BAZ2B: variants seen among roughly 807,000 people sequenced by gnomAD.
BAZ2B encodes bromodomain adjacent to zinc finger domain 2B.
Under a neutral mutation model 246.0 loss-of-function variants are expected in BAZ2B, and 91 were observed. That is an observed-to-expected ratio of 0.37 (90% CI 0.31 to 0.44). The LOEUF is 0.44. BAZ2B is among the 20% of genes least tolerant of loss of function. The pLI is 1.00. For missense variants in BAZ2B, 2,332 were observed against 2,533.7 expected (o/e 0.92, Z 1.71); for synonymous variants, 855 against 860.0 (o/e 0.99, Z 0.10).
intron 17 of BAZ2B, 90 bp downstream of exon 17, chr2:159,400,509 T>C (rs2064819312): frequency 1.9e-5 from 14 of 754,992 alleles, no homozygotes; most frequent in Non-Finnish European, 3.1e-5. Flanking sequence ...ACAATTTGTG[T>C]GAGAAAACAT....
chr2:159,355,452 T>G (rs1483426035), intron 27 of BAZ2B, among the ~76,000 whole-genome samples: 7 of 152,180 alleles, frequency 4.6e-5, no homozygotes, highest in Non-Finnish European at 7.4e-5. Flanking sequence ...TCCAGAAAAT[T>G]TTAAGATGAT....
chr2:159,348,921 T>C, intron 29 of BAZ2B, 86 bp downstream of exon 29: 2 of 1,553,340 alleles, frequency 1.3e-6, no homozygotes, highest in Non-Finnish European at 1.7e-6. Context: ...TAACTATATA[T>C]AGAACCATCA....
chr2:159,501,155 T>C (rs1465422986), intron 2 of BAZ2B, among the ~76,000 whole-genome samples: 1 of 33,600 alleles, frequency 3.0e-5, no homozygotes, highest in Non-Finnish European at 7.7e-5. Flanking sequence ...ATATAATATA[T>C]ATAAATATAT....
chr2:159,707,574 T>C, the BAZ2B span, among the ~76,000 whole-genome samples: 2 of 152,054 alleles, frequency 1.3e-5, no homozygotes, highest in East Asian at 3.8e-4. Flanking sequence ...ACACCTGTAA[T>C]CCCAGCACTT....
intron 1 of BAZ2B, among the ~76,000 whole-genome samples, chr2:159,593,850 T>C (rs1309646730): frequency 1.3e-5 from 2 of 152,200 alleles, no homozygotes; most frequent in African/African-American, 2.4e-5. Flanking sequence ...AATATAAAAT[T>C]TGCCATTTTT....
At chr2:159,428,143 A>G in intron 12 of BAZ2B, 101 bp from the exon 13 acceptor site, 2 of 1,189,580 alleles carry the variant, frequency 1.7e-6, no homozygotes, top group Non-Finnish European at 2.4e-6. Flanking sequence ...ATATTCTATC[A>G]AGGGGCTCTA....
rs369207770 is a variant in BAZ2B at position 159,400,750 on chromosome 2, A to G, written c.2833-86T>C. ...TGAGTGGAATCAAATAATTAAAAATATAAGTACAGGTCAGGCGCAGTGGCT... is the reference window on the plus strand; with the variant it reads ...TGAGTGGAATCAAATAATTAAAAATGTAAGTACAGGTCAGGCGCAGTGGCT... On this transcript the variant is annotated intron_variant, in intron 16 of 36. Transcript: ENST00000392783. 1.9e-3 allele frequency: 1,588 copies of G among 851,566 alleles called. 14 individuals carry two copies. Among genetic ancestry groups the G allele is most frequent in the South Asian group, 4.0e-3 (261 of 65,548 alleles). 52.8% of individuals were successfully genotyped at this position (851,566 alleles called of 1,614,324 possible). A position where few individuals can be genotyped will look rare whatever the true frequency, so the allele number is the denominator to read the frequency against.
chr2:159,442,217 G>C (rs2073540616), intron 6 of BAZ2B, among the ~76,000 whole-genome samples: 1 of 152,302 alleles, frequency 6.6e-6, no homozygotes, highest in South Asian at 2.1e-4. Flanking sequence ...GAGAGCAAGA[G>C]CCAATCACCC....
Position 159,349,182 on chromosome 2 carries a change from T to G in BAZ2B, c.4962A>C (p.Leu1654=), listed in dbSNP as rs758493079. The change falls in exon 29 of 37, where the codon CTA becomes CTC. Residue 1654 remains leucine (L), a synonymous_variant. Transcript: ENST00000392783. ...NIPFTSSVPS[L]GSGLGLSEGN... ...CTTCTGATAACCCTAACCCCGATCC[T>G]AGACTAGGTACAGATGATGTAAATG... The G allele has an allele frequency of 1.2e-6, 2 of 1,614,088 alleles. No homozygotes were observed. The highest frequency in any genetic ancestry group is 2.2e-5 in the South Asian group (2 of 91,080).
intron 27 of BAZ2B, among the ~76,000 whole-genome samples, chr2:159,362,443 G>A (rs913249676): frequency 2.2e-4 from 33 of 152,122 alleles, no homozygotes; most frequent in African/African-American, 5.1e-4. Flanking sequence ...ACAGTGTTTC[G>A]TCTCTTGGAG....
chr2:159,321,081 G>A lies in BAZ2B; in HGVS notation c.6354-663C>T, dbSNP rs2062660293. On this transcript the variant is annotated intron_variant, in intron 36 of 36. Transcript: ENST00000392783. ...GCACTGTGGCTTCTGTGCTTTTCTGGCGGGATAAGCCCAATTCTCTTTCTC... is the reference window on the plus strand; with the variant it reads ...GCACTGTGGCTTCTGTGCTTTTCTGACGGGATAAGCCCAATTCTCTTTCTC... 2.0e-5 allele frequency among the ~76,000 whole-genome samples: 3 copies of A among 152,134 alleles called. No homozygotes were observed. The South Asian group carries it at 6.2e-4, about 32-fold the overall frequency.
chr2:159,586,680 G>A (rs1688081863), intron 1 of BAZ2B, among the ~76,000 whole-genome samples: 1 of 151,954 alleles, frequency 6.6e-6, no homozygotes, highest in South Asian at 2.1e-4. Flanking sequence ...AACAACCTGA[G>A]CAACAAAATG....
rs2063623996 is a variant in BAZ2B, at chr2:159,325,728, T to G, written c.6134A>C (p.Asn2045Thr). The G allele has an allele frequency of 6.3e-7, 1 of 1,598,722 alleles. No individual in the cohort carries two copies. Among genetic ancestry groups the G allele is most frequent in the African/African-American group, 1.4e-5 (1 of 73,712 alleles). Residue 2045 changes from asparagine to threonine, a missense_variant, in exon 35 of 37, where the codon AAC (asparagine) becomes ACC (threonine). This residue lies in a region of BAZ2B where 210 missense variants were observed against 232.5 expected (regional missense o/e 0.90). Coordinates refer to ENST00000392783, the MANE Select transcript of BAZ2B (RefSeq NM_013450.4). Reference protein sequence around the residue: ...KRKMEENTSINLSKQESFTSV... With the variant: ...KRKMEENTSITLSKQESFTSV... ...AGTAAAACTTTCTTGTTTTGACAAG[T>G]TAATAGAAGTGTTTTCCTCCATTTT...
intron 1 of BAZ2B, among the ~76,000 whole-genome samples, chr2:159,587,266 G>A (rs1688253686): frequency 6.6e-6 from 1 of 152,014 alleles, no homozygotes; most frequent in South Asian, 2.1e-4. Flanking sequence ...ATTTTTAGTA[G>A]AGATGGGGTT....
At chr2:159,421,573 A>AT (rs1469263274) in intron 13 of BAZ2B, among the ~76,000 whole-genome samples, 1 of 152,066 alleles carries the variant, frequency 6.6e-6, no homozygotes, top group Non-Finnish European at 1.5e-5. Flanking sequence ...TAAATGATAA[A>AT]TTTATCTAAA....
At chr2:159,489,649 A>G (rs1191880942) in intron 2 of BAZ2B, among the ~76,000 whole-genome samples, 4 of 152,190 alleles carry the variant, frequency 2.6e-5, no homozygotes, top group African/African-American at 9.7e-5. Context: ...CATGCCTATA[A>G]TCTCAGCACT....
chr2:159,439,743 T>C (rs867742083), intron 6 of BAZ2B, among the ~76,000 whole-genome samples: 26 of 152,180 alleles, frequency 1.7e-4, no homozygotes, highest in African/African-American at 6.0e-4. Flanking sequence ...AATTATTCCA[T>C]ATAATAATAA....
chr2:159,586,803 T>C (rs987512076), intron 1 of BAZ2B, among the ~76,000 whole-genome samples: 1 of 152,148 alleles, frequency 6.6e-6, no homozygotes, highest in Non-Finnish European at 1.5e-5. Flanking sequence ...TAGGCTTGCA[T>C]AATATAAACT....
chr2:159,547,448 G>A (rs923053931), intron 2 of BAZ2B, among the ~76,000 whole-genome samples: 1 of 152,014 alleles, frequency 6.6e-6, no homozygotes, highest in Non-Finnish European at 1.5e-5. Context: ...AGAACAAAGA[G>A]GTCAAATATC....
Sources: allele counts gnomAD v4.1 joint callset (sites outside exome capture counted in the v4.1 genomes callset), GRCh38; gene constraint gnomAD v4.1.1; regional missense constraint gnomAD v4.1.1; transcripts MANE v1.5; gene names NCBI Gene and HGNC (gene_info 2026-07-23, HGNC 2026-07-21).